JKAMP: variants seen among roughly 807,000 people sequenced by gnomAD.
The protein encoded by JKAMP is JNK1/MAPK8 associated membrane protein.
A neutral mutation model predicts 40.2 loss-of-function variants in JKAMP; 20 were observed. The ratio of observed to expected loss-of-function variants is 0.50; its 90% CI spans 0.35 to 0.72. The LOEUF is 0.72. Ranked by LOEUF, JKAMP falls within the 30% of genes least tolerant of loss-of-function variation. JKAMP has a pLI of 0.01. For synonymous variants in JKAMP, 138 were observed against 131.6 expected (o/e 1.05, Z -0.33); for missense variants, 276 against 373.0 (o/e 0.74, Z 2.14).
chr14:59,486,883 GTTA>G, intron 2 of JKAMP, 79 bp downstream of exon 2: 2 of 971,536 alleles, frequency 2.1e-6, no homozygotes, highest in East Asian at 2.6e-5. Flanking sequence ...AACATTTTTT[GTTA>G]TTATACTCAT....
chr14:59,493,440 G>C (rs12434256), intron 3 of JKAMP, among the ~76,000 whole-genome samples: 17,525 of 152,206 alleles, frequency 0.12, 1,477 homozygotes, highest in South Asian at 0.26. Context: ...CTGCCCAGTT[G>C]AGCCCAGTCA....
At chr14:59,495,291 ATGGCGTT>A in intron 4 of JKAMP, 67 bp downstream of exon 4, 1 of 1,291,190 alleles carries the variant, frequency 7.7e-7, no homozygotes, top group South Asian at 1.2e-5. Flanking sequence ...TATAGATTTT[ATGGCGTT>A]TGGAGACAAA....
chr14:59,485,367 C>T (rs974215281), intron 1 of JKAMP: 1 of 384,544 alleles, frequency 2.6e-6, no homozygotes, highest in African/African-American at 2.1e-5. Flanking sequence ...ATTAAAGAGG[C>T]CAGTGGGTTT....
At chr14:59,493,436 A>C (rs531007604) in intron 3 of JKAMP, among the ~76,000 whole-genome samples, 1 of 152,306 alleles carries the variant, frequency 6.6e-6, no homozygotes, top group South Asian at 2.1e-4. Flanking sequence ...AGAACTGCCC[A>C]GTTGAGCCCA....
chr14:59,484,753 G>C (rs2139845980), intron 1 of JKAMP, 160 bp downstream of exon 1: 2 of 1,016,840 alleles, frequency 2.0e-6, no homozygotes, highest in Non-Finnish European at 2.9e-6. Flanking sequence ...GCACTCCTGC[G>C]GGGTTGGGGT....
chr14:59,487,617 G>A, intron 2 of JKAMP, 57 bp from the exon 3 acceptor site: 3 of 1,263,914 alleles, frequency 2.4e-6, no homozygotes, highest in Non-Finnish European at 3.5e-6. Flanking sequence ...GATTTGGGGG[G>A]GTGTTAATGT....
At chr14:59,487,585 G>A (rs1890677375) in intron 2 of JKAMP, 89 bp from the exon 3 acceptor site, 1 of 951,394 alleles carries the variant, frequency 1.1e-6, no homozygotes, top group Non-Finnish European at 1.6e-6. Flanking sequence ...TATTTAAACT[G>A]AAATGGGATG....
At chr14:59,486,825 T>G (rs752998046) in intron 2 of JKAMP, 21 bp downstream of exon 2, 1 of 1,383,322 alleles carries the variant, frequency 7.2e-7, no homozygotes, top group East Asian at 2.4e-5. Flanking sequence ...TGTTTGTATC[T>G]TATTTCATTT....
chr14:59,500,609 T>G (rs1352804141), intron 5 of JKAMP, among the ~76,000 whole-genome samples: 2 of 152,188 alleles, frequency 1.3e-5, no homozygotes, highest in Non-Finnish European at 2.9e-5. Flanking sequence ...TAAAGCTGAG[T>G]TACTCTTATA....
intron 3 of JKAMP, among the ~76,000 whole-genome samples, chr14:59,493,088 A>G (rs140238888): frequency 0.017 from 2,596 of 152,178 alleles, 32 homozygotes; most frequent in South Asian, 0.038. Flanking sequence ...GTGAGCCACC[A>G]CGCCCAGCCA....
At chr14:59,490,756 T>C (rs1594936315) in intron 3 of JKAMP, among the ~76,000 whole-genome samples, 1 of 152,282 alleles carries the variant, frequency 6.6e-6, no homozygotes, top group East Asian at 1.9e-4. Context: ...ATTAATAGAA[T>C]GATGAGAGAT....
chr14:59,489,005 T>C (rs1176254059), intron 3 of JKAMP, among the ~76,000 whole-genome samples: 1 of 152,258 alleles, frequency 6.6e-6, no homozygotes, highest in Non-Finnish European at 1.5e-5. Flanking sequence ...GAAAGACTTC[T>C]GAAATGCCTT....
intron 5 of JKAMP, 128 bp from the exon 6 acceptor site, chr14:59,501,058 CTTAGG>C: frequency 1.6e-6 from 1 of 609,244 alleles, no homozygotes; most frequent in Non-Finnish European, 2.8e-6. Context: ...GCCTCAGAAC[CTTAGG>C]TTGTAAGTCT....
At chr14:59,492,069 A>G (rs1480197354) in intron 3 of JKAMP, among the ~76,000 whole-genome samples, 1 of 152,160 alleles carries the variant, frequency 6.6e-6, no homozygotes, top group East Asian at 1.9e-4. Flanking sequence ...GCAACAAACA[A>G]TATATTTATG....
chr14:59,487,806 G>A lies in JKAMP; in HGVS notation c.229G>A (p.Glu77Lys). The A allele has an allele frequency of 6.2e-7, 1 of 1,613,630 alleles. No individual in the cohort carries two copies. Among genetic ancestry groups the A allele is most frequent in the Non-Finnish European group, 8.5e-7 (1 of 1,179,684 alleles). Reference sequence around the variant, plus strand: ...TCTGGTTTTACATTGGTTCTTCATTGAATGGTACTCGGGGAAAAAGAGGTT... The same window carrying A: ...TCTGGTTTTACATTGGTTCTTCATTAAATGGTACTCGGGGAAAAAGAGGTT... ...LPLVLHWFFI[E>K]WYSGKKSSSA... is the part of the protein sequence containing the mutation. Residue 77 changes from glutamate to lysine, a missense_variant, in exon 3 of 7, where the codon GAA (glutamate) becomes AAA (lysine). Transcript: ENST00000616435.
rs1892195254 is a variant in JKAMP, at chr14:59,504,417, A to C, written c.*345A>C. 1.8e-5 allele frequency: 4 copies of C among 222,468 alleles called. No homozygotes were observed. Among genetic ancestry groups the C allele is most frequent in the Middle Eastern group, 3.1e-3 (2 of 642 alleles). 13.8% of individuals were successfully genotyped at this position (222,468 alleles called of 1,614,324 possible). A position where few individuals can be genotyped will look rare whatever the true frequency, so the allele number is the denominator to read the frequency against. On this transcript the variant is annotated 3_prime_UTR_variant, in exon 7 of 7. Coordinates refer to ENST00000616435, the MANE Select transcript of JKAMP (RefSeq NM_016475.5). ...TATTAAGAAAAGCTTTAACACGTGT[A>C]ATCTGCAGTCCTTAACAGTGGCGTA...
chr14:59,493,356 C>T (rs1462677425), intron 3 of JKAMP, among the ~76,000 whole-genome samples: 1 of 152,156 alleles, frequency 6.6e-6, no homozygotes, highest in African/African-American at 2.4e-5. Flanking sequence ...TGAGTTAGTC[C>T]TTTTAAATGC....
rs1444868293 is a variant in JKAMP, at chr14:59,485,136, T to C, written c.4+543T>C. ...TGCTTAGTAAGTGATAGGCTGTTTA[T>C]TTCAGTTCAGTTTATCATACTGGTT... On this transcript the variant is annotated intron_variant, in intron 1 of 6. Transcript: ENST00000616435. 1.9e-6 allele frequency: 3 copies of C among 1,597,604 alleles called. No individual in the cohort carries two copies. The East Asian group carries it at 6.7e-5, about 36-fold the overall frequency.
Position 59,484,537 on chromosome 14 carries a change from A to T in JKAMP, c.-53A>T. The T allele has an allele frequency of 6.4e-7, 1 of 1,560,346 alleles. No homozygotes were observed. Among genetic ancestry groups the T allele is most frequent in the Non-Finnish European group, 8.7e-7 (1 of 1,152,026 alleles). On this transcript the variant is annotated 5_prime_UTR_variant, in exon 1 of 7. Transcript: ENST00000616435. ...TCGCTGTGGCCCGGATGTTCGGTGC[A>T]GCTGCCAGATCCGCTGATCTAGTGC... is the stretch of plus-strand genomic sequence containing the variant.
Sources: gnomAD v4.1 joint callset for allele counts (sites outside exome capture counted in the v4.1 genomes callset) on GRCh38, gnomAD v4.1.1 for gene constraint, MANE v1.5 for transcripts, NCBI Gene and HGNC (gene_info 2026-07-23, HGNC 2026-07-21) for gene names.